The following DCAF8L2 variants were observed in gnomAD, a reference collection of about 807,000 sequenced individuals.
The protein encoded by DCAF8L2 is DDB1- and CUL4-associated factor 8-like protein 2.
For missense variants in DCAF8L2, 430 were observed against 490.7 expected (o/e 0.88, Z 1.17); for synonymous variants, 200 against 190.9 (o/e 1.05, Z -0.39).
At chrX:27,709,120 C>T (rs925772842) in intron 3 of DCAF8L2, among the ~76,000 whole-genome samples, 1 of 110,772 alleles carries the variant, frequency 9.0e-6, no homozygotes, top group African/African-American at 3.3e-5. Context: ...AGGGTTTCTC[C>T]ATGTTGGTCA....
chrX:27,521,481 G>A, the DCAF8L2 span, among the ~76,000 whole-genome samples: 1 of 112,013 alleles, frequency 8.9e-6, no homozygotes, highest in Non-Finnish European at 1.9e-5. Context: ...TCTCCATAAA[G>A]CATTTCAACA....
At chrX:27,493,350 A>G in the DCAF8L2 span, among the ~76,000 whole-genome samples, 402 of 112,130 alleles carry the variant, frequency 3.6e-3, 2 homozygotes, top group African/African-American at 0.012. Flanking sequence ...CAACAATTTT[A>G]AATGAATATG....
intron 2 of DCAF8L2, among the ~76,000 whole-genome samples, chrX:27,640,275 A>G (rs1379175731): frequency 2.7e-5 from 3 of 112,186 alleles, no homozygotes; most frequent in Non-Finnish European, 5.6e-5. Context: ...CATCCCCAGC[A>G]CTTGGCAACC....
rs766427561 is a variant in DCAF8L2, at chrX:27,748,569, G to A, written c.1674G>A (p.Lys558=). 1.6e-5 allele frequency: 19 copies of A among 1,208,823 alleles called. No individual in the cohort carries two copies. Among genetic ancestry groups the A allele is most frequent in the Non-Finnish European group, 4.5e-6 (4 of 894,321 alleles). ...TTACTGGGTTAAAGAAGGTGATTAA[G>A]AAGAACAAGTGGGAACGAGATGAAG... The part of the protein sequence containing the change: ...TELTGLKKVI[K]KNKWERDEDS... Residue 558 remains lysine, a synonymous_variant, in exon 5 of 5, where the codon AAG becomes AAA. Coordinates refer to ENST00000451261, the MANE Select transcript of DCAF8L2 (RefSeq NM_001353450.2).
intron 4 of DCAF8L2, among the ~76,000 whole-genome samples, chrX:27,717,131 C>A (rs1931728140): frequency 8.9e-6 from 1 of 112,449 alleles, no homozygotes; most frequent in Non-Finnish European, 1.9e-5. Flanking sequence ...TCCAGTCTTT[C>A]ATTGATGGGC....
chrX:27,538,107 C>G, the DCAF8L2 span, among the ~76,000 whole-genome samples: 1 of 111,470 alleles, frequency 9.0e-6, no homozygotes, highest in Non-Finnish European at 1.9e-5. Context: ...TCAAAGAAAC[C>G]CTTAAACATC....
At chrX:27,507,646 T>C in the DCAF8L2 span, among the ~76,000 whole-genome samples, 3 of 111,922 alleles carry the variant, frequency 2.7e-5, no homozygotes, top group African/African-American at 9.7e-5. Flanking sequence ...TTCTTCTAAA[T>C]ATCCACTTCT....
At chrX:27,651,115 C>G (rs1447318818) in intron 2 of DCAF8L2, among the ~76,000 whole-genome samples, 1 of 111,828 alleles carries the variant, frequency 8.9e-6, no homozygotes, top group Non-Finnish European at 1.9e-5. Context: ...TTGCATATGT[C>G]GAACCAAACT....
At chrX:27,535,883 C>A in the DCAF8L2 span, among the ~76,000 whole-genome samples, 1 of 111,624 alleles carries the variant, frequency 9.0e-6, no homozygotes, top group African/African-American at 3.3e-5. Flanking sequence ...AATAAAAACA[C>A]AGTTACGTAT....
chrX:27,661,921 T>C (rs1929572598), intron 2 of DCAF8L2, among the ~76,000 whole-genome samples: 1 of 111,883 alleles, frequency 8.9e-6, no homozygotes, highest in Non-Finnish European at 1.9e-5. Context: ...TGAGACTCAG[T>C]TTTTCTTACA....
the DCAF8L2 span, among the ~76,000 whole-genome samples, chrX:27,514,296 T>C: frequency 1.5e-5 from 1 of 64,900 alleles, no homozygotes; most frequent in Non-Finnish European, 3.8e-5. Flanking sequence ...TGTGTGTGCA[T>C]ATGTGCACAT....
intron 2 of DCAF8L2, among the ~76,000 whole-genome samples, chrX:27,658,829 G>A (rs746521820): frequency 6.2e-5 from 7 of 112,157 alleles, no homozygotes; most frequent in Non-Finnish European, 1.3e-4. Context: ...GTTTTTACCT[G>A]TAAAAATGGG....
upstream of DCAF8L2, among the ~76,000 whole-genome samples, chrX:27,590,195 C>T (rs1424124005): frequency 9.0e-6 from 1 of 111,178 alleles, no homozygotes; most frequent in Admixed American, 9.7e-5. Flanking sequence ...AACTAGAGAG[C>T]CACAACTTTA....
chrX:27,569,192 T>C, the DCAF8L2 span, among the ~76,000 whole-genome samples: 1 of 111,202 alleles, frequency 9.0e-6, no homozygotes, highest in Non-Finnish European at 1.9e-5. Flanking sequence ...GTTCAAACCA[T>C]TCTCTTACCA....
At chrX:27,523,579 T>C in the DCAF8L2 span, among the ~76,000 whole-genome samples, 1 of 110,730 alleles carries the variant, frequency 9.0e-6, no homozygotes, top group Non-Finnish European at 1.9e-5. Context: ...TTTCCCATCA[T>C]AGATATATTT....
At chrX:27,595,888 G>A (rs747154254) in intron 1 of DCAF8L2, among the ~76,000 whole-genome samples, 14 of 110,755 alleles carry the variant, frequency 1.3e-4, no homozygotes, top group Non-Finnish European at 2.6e-4. Context: ...AAATTAGCTG[G>A]GCATGGTGGT....
chrX:27,684,192 C>G (rs993227139), intron 3 of DCAF8L2, among the ~76,000 whole-genome samples: 1 of 111,463 alleles, frequency 9.0e-6, no homozygotes, highest in Non-Finnish European at 1.9e-5. Flanking sequence ...ATGTCTGGAA[C>G]CAAAGGAGAA....
chrX:27,684,104 TG>T (rs1864106338), intron 3 of DCAF8L2, among the ~76,000 whole-genome samples: 1 of 112,329 alleles, frequency 8.9e-6, no homozygotes. Context: ...TTGAATACTT[TG>T]CACTGAATAC....
At chrX:27,606,360 TATATATATA>T (rs1926899226) in intron 1 of DCAF8L2, among the ~76,000 whole-genome samples, 1 of 68,140 alleles carries the variant, frequency 1.5e-5, no homozygotes, top group African/African-American at 7.5e-5. Flanking sequence ...TATCTAGGAA[TATATATATA>T]TATATATATA....
Sources: allele counts gnomAD v4.1 joint callset (sites outside exome capture counted in the v4.1 genomes callset), GRCh38; gene constraint gnomAD v4.1.1; transcripts MANE v1.5; gene names NCBI Gene and HGNC (gene_info 2026-07-23, HGNC 2026-07-21).